The following EGFR variants were observed in gnomAD, a reference collection of about 807,000 sequenced individuals.
EGFR encodes the protein epidermal growth factor receptor.
A neutral mutation model predicts 143.0 loss-of-function variants in EGFR; 58 were observed. The observed-to-expected ratio is 0.41, with a 90% CI of 0.33 to 0.50. EGFR has a LOEUF of 0.50. Among genes scored for constraint, EGFR ranks in the 20% least tolerant of loss-of-function variants. The pLI is 0.39. For missense variants in EGFR, 1,307 were observed against 1,579.0 expected, an observed-to-expected ratio of 0.83 and a Z score of 2.92; for synonymous variants, 613 against 594.4, an observed-to-expected ratio of 1.03 and a Z score of -0.45.
chr7:55,079,205 G>A (rs776555547), intron 1 of EGFR, among the ~76,000 whole-genome samples: 3 of 152,240 alleles, frequency 2.0e-5, no homozygotes, highest in Admixed American at 6.5e-5. Context: ...CTCGAGATGG[G>A]GAAGGAAAGG....
intron 1 of EGFR, among the ~76,000 whole-genome samples, chr7:55,125,810 C>T (rs1427864520): frequency 6.6e-6 from 1 of 152,176 alleles, no homozygotes; most frequent in Non-Finnish European, 1.5e-5. Flanking sequence ...CCATCTAGGA[C>T]CCCCTCCAAA....
chr7:55,148,808 T>A (rs1370536988), intron 4 of EGFR, among the ~76,000 whole-genome samples: 1 of 152,140 alleles, frequency 6.6e-6, no homozygotes, highest in Admixed American at 6.5e-5. Flanking sequence ...TCTTGACTGG[T>A]GCTTTATGGC....
Position 55,148,089 on chromosome 7 carries a change from C to A in EGFR, c.559+1349C>A, listed in dbSNP as rs564810648. On this transcript the variant is annotated intron_variant, in intron 4 of 27. Coordinates refer to ENST00000275493, the MANE Select transcript of EGFR (RefSeq NM_005228.5). ...ACTGTTTGAATAATGCTGCTGTGAA[C>A]ATGGGTATTGAGGCTCTTTGTTTTA... Among the ~76,000 whole-genome samples, 38 of 152,350 alleles carry A rather than the reference C, an allele frequency of 2.5e-4. No individual in the cohort carries two copies. In the South Asian group the frequency reaches 7.7e-3, roughly 31 times the overall value.
At chr7:55,048,461 T>A (rs751856131) in intron 1 of EGFR, among the ~76,000 whole-genome samples, 22 of 152,244 alleles carry the variant, frequency 1.4e-4, no homozygotes, top group Admixed American at 1.3e-4. Flanking sequence ...CATACCTGCA[T>A]CTTTTTTACC....
At chr7:55,122,304 A>G (rs1293710878) in intron 1 of EGFR, among the ~76,000 whole-genome samples, 3 of 152,086 alleles carry the variant, frequency 2.0e-5, no homozygotes, top group East Asian at 3.9e-4. Flanking sequence ...CTTTTTGTCC[A>G]GTCTGCATGA....
intron 1 of EGFR, among the ~76,000 whole-genome samples, chr7:55,054,353 C>G (rs1182896165): frequency 6.6e-6 from 1 of 152,236 alleles, no homozygotes; most frequent in Non-Finnish European, 1.5e-5. Context: ...CTAAGTTAAG[C>G]TTGCCTGGAA....
intron 1 of EGFR, among the ~76,000 whole-genome samples, chr7:55,068,668 G>A (rs1197143726): frequency 6.6e-6 from 1 of 152,158 alleles, no homozygotes; most frequent in Non-Finnish European, 1.5e-5. Context: ...AATTCCTACT[G>A]TACCCATCAT....
intron 1 of EGFR, among the ~76,000 whole-genome samples, chr7:55,034,322 C>T (rs555209359): frequency 2.0e-5 from 3 of 152,320 alleles, no homozygotes; most frequent in Admixed American, 6.5e-5. Flanking sequence ...CAACCTCCAC[C>T]TTCCGGGTTC....
chr7:55,023,782 T>C (rs1169412506), intron 1 of EGFR, among the ~76,000 whole-genome samples: 2 of 152,250 alleles, frequency 1.3e-5, no homozygotes, highest in Non-Finnish European at 2.9e-5. Context: ...TGGTTTATTC[T>C]TGAACCACTA....
At chr7:55,117,036 T>G (rs962807433) in intron 1 of EGFR, among the ~76,000 whole-genome samples, 4 of 152,334 alleles carry the variant, frequency 2.6e-5, no homozygotes, top group Non-Finnish European at 5.9e-5. Flanking sequence ...CAGAGGGTAC[T>G]GGTCGCTTTA....
At chr7:55,109,027 T>C (rs1441553107) in intron 1 of EGFR, among the ~76,000 whole-genome samples, 1 of 152,128 alleles carries the variant, frequency 6.6e-6, no homozygotes, top group Non-Finnish European at 1.5e-5. Flanking sequence ...GAGACTGCAA[T>C]AGAGTGATAC....
chr7:55,023,473 C>G (rs1007042662), intron 1 of EGFR, among the ~76,000 whole-genome samples: 3 of 151,890 alleles, frequency 2.0e-5, no homozygotes, highest in South Asian at 4.2e-4. Flanking sequence ...CACGGTGAAA[C>G]CCAGTCTCTA....
At chr7:55,162,370 T>C (rs539176756) in intron 13 of EGFR, among the ~76,000 whole-genome samples, 1 of 152,382 alleles carries the variant, frequency 6.6e-6, no homozygotes, top group Admixed American at 6.5e-5. Context: ...TGTTTTACTC[T>C]CTGGGCATGG....
chr7:55,138,530 T>C (rs1794285601), intron 1 of EGFR, among the ~76,000 whole-genome samples: 2 of 152,250 alleles, frequency 1.3e-5, no homozygotes, highest in Non-Finnish European at 2.9e-5. Flanking sequence ...CTGTGTTTAA[T>C]GGCCAACATT....
At chr7:55,073,426 G>T (rs573221639) in intron 1 of EGFR, among the ~76,000 whole-genome samples, 5 of 152,170 alleles carry the variant, frequency 3.3e-5, no homozygotes, top group Admixed American at 1.3e-4. Flanking sequence ...TGCTGGAAAG[G>T]CTTCTGCAGG....
intron 13 of EGFR, among the ~76,000 whole-genome samples, chr7:55,162,885 A>G (rs17290082): frequency 0.021 from 3,245 of 152,214 alleles, 105 homozygotes; most frequent in African/African-American, 0.072. Flanking sequence ...CTGCCCCCTG[A>G]GTTCAGGTGA....
chr7:55,203,425 C>T (rs201717737), intron 27 of EGFR, among the ~76,000 whole-genome samples: 1 of 62,114 alleles, frequency 1.6e-5, no homozygotes, highest in Non-Finnish European at 3.1e-5. Flanking sequence ...CAACACACAA[C>T]ACAGACACGT....
intron 1 of EGFR, among the ~76,000 whole-genome samples, chr7:55,024,912 TG>T (rs1786792099): frequency 6.6e-6 from 1 of 152,290 alleles, no homozygotes; most frequent in African/African-American, 2.4e-5. Context: ...TAATTCTACA[TG>T]GGGAGGAGAG....
chr7:55,061,655 A>T (rs879880852), intron 1 of EGFR, among the ~76,000 whole-genome samples: 411 of 108,044 alleles, frequency 3.8e-3, no homozygotes, highest in Non-Finnish European at 5.4e-3. Flanking sequence ...TGTGTGAGAG[A>T]GAGAGAGAGA....
Sources: gnomAD v4.1 joint callset for allele counts (sites outside exome capture counted in the v4.1 genomes callset) on GRCh38, gnomAD v4.1.1 for gene constraint, MANE v1.5 for transcripts, NCBI Gene and HGNC (gene_info 2026-07-23, HGNC 2026-07-21) for gene names.